Variants in SHB observed in about 807,000 individuals in gnomAD.
The protein encoded by SHB is SH2 domain containing adaptor protein B.
In SHB, 20 loss-of-function variants were observed where a neutral mutation model predicts 52.3. That is an observed-to-expected ratio of 0.38 (90% CI 0.27 to 0.56). The LOEUF is 0.56. Among genes scored for constraint, SHB ranks in the 20% least tolerant of loss-of-function variants. The pLI, the probability that SHB is intolerant of heterozygous loss-of-function variation, is 0.71. For missense variants in SHB, 825 were observed against 723.3 expected (o/e 1.14, Z -1.61); for synonymous variants, 397 against 316.5 (o/e 1.25, Z -2.70).
intron 4 of SHB, among the ~76,000 whole-genome samples, chr9:37,952,660 T>C (rs1458034626): frequency 6.6e-6 from 1 of 152,092 alleles, no homozygotes; most frequent in East Asian, 1.9e-4. Context: ...TGGATTCTGG[T>C]GGTACTTAGG....
chr9:38,023,744 G>A (rs979129119), intron 1 of SHB, among the ~76,000 whole-genome samples: 15 of 152,206 alleles, frequency 9.9e-5, no homozygotes, highest in African/African-American at 2.9e-4. Context: ...CATAACTCTC[G>A]AGGCACTTCC....
intron 1 of SHB, among the ~76,000 whole-genome samples, chr9:38,024,658 C>A (rs534748476): frequency 1.6e-4 from 25 of 152,290 alleles, no homozygotes; most frequent in Admixed American, 1.6e-3. Context: ...TACCCCAGAA[C>A]CTCAAGTGGT....
chr9:38,008,586 G>T (rs750055192), intron 2 of SHB, among the ~76,000 whole-genome samples: 4 of 152,254 alleles, frequency 2.6e-5, no homozygotes, highest in Non-Finnish European at 5.9e-5. Context: ...CTCCAGGATG[G>T]AAGTCAGGAG....
At chr9:37,979,513 G>C (rs551560781) in intron 2 of SHB, among the ~76,000 whole-genome samples, 6 of 151,976 alleles carry the variant, frequency 3.9e-5, no homozygotes, top group Non-Finnish European at 8.8e-5. Flanking sequence ...CTGGGGAAGA[G>C]AGCAGGCAGT....
At chr9:38,013,826 G>A (rs1306988044) in intron 2 of SHB, among the ~76,000 whole-genome samples, 1 of 152,092 alleles carries the variant, frequency 6.6e-6, no homozygotes, top group African/African-American at 2.4e-5. Flanking sequence ...GGCTCCATGG[G>A]ACCTCAGCCC....
At chr9:38,054,304 C>T (rs1821785382) in intron 1 of SHB, among the ~76,000 whole-genome samples, 1 of 152,236 alleles carries the variant, frequency 6.6e-6, no homozygotes. Flanking sequence ...ATGCCCAACC[C>T]TGACATCACA....
intron 2 of SHB, among the ~76,000 whole-genome samples, chr9:38,002,128 C>T (rs972197436): frequency 6.6e-6 from 1 of 152,010 alleles, no homozygotes; most frequent in African/African-American, 2.4e-5. Context: ...GTTTGTCTAT[C>T]TTAAAAAAAG....
intron 1 of SHB, among the ~76,000 whole-genome samples, chr9:38,040,981 CTTAGAG>C (rs1821568102): frequency 6.6e-6 from 1 of 151,924 alleles, no homozygotes. Context: ...CCCAGGGACG[CTTAGAG>C]TTAACTTCCA....
intron 1 of SHB, among the ~76,000 whole-genome samples, chr9:38,046,470 G>GCC (rs150370459): frequency 4.6e-5 from 7 of 152,242 alleles, no homozygotes; most frequent in Non-Finnish European, 1.0e-4. Flanking sequence ...GATGCTCGAA[G>GCC]CCCCCCCGGG....
intron 1 of SHB, among the ~76,000 whole-genome samples, chr9:38,025,816 A>G (rs1010190114): frequency 1.3e-5 from 2 of 152,168 alleles, no homozygotes; most frequent in African/African-American, 4.8e-5. Context: ...AGAAATCCAG[A>G]CTATCCCCCT....
chr9:38,009,348 G>A (rs942411904), intron 2 of SHB, among the ~76,000 whole-genome samples: 2 of 152,238 alleles, frequency 1.3e-5, no homozygotes, highest in Admixed American at 6.5e-5. Context: ...GGCCTGACAA[G>A]GGCAGCTGGA....
intron 2 of SHB, among the ~76,000 whole-genome samples, chr9:37,985,508 C>T (rs1820793989): frequency 6.6e-6 from 1 of 152,288 alleles, no homozygotes; most frequent in Non-Finnish European, 1.5e-5. Flanking sequence ...TAAGCCGCTG[C>T]AGGCCTGCGT....
rs1051887351 is a variant in SHB at position 37,930,885 on chromosome 9, C to T, written c.1347-10881G>A. Among the ~76,000 whole-genome samples, 7 of 152,236 alleles carry T rather than the reference C, an allele frequency of 4.6e-5. No individual in the cohort carries two copies. In the East Asian group the frequency reaches 1.4e-3, roughly 29 times the overall value. On this transcript the variant is annotated intron_variant, in intron 5 of 5. Coordinates refer to ENST00000377707, the MANE Select transcript of SHB (RefSeq NM_003028.3). ...AATTATATTACAAAGCTATAGTAAT[C>T]AAAACAGTATGATACTGGCATACAA...
chr9:38,067,907 A>T, intron 1 of SHB, 22 bp downstream of exon 1: 1 of 1,451,246 alleles, frequency 6.9e-7, no homozygotes, highest in Non-Finnish European at 9.0e-7. Context: ...GAACCTCGGG[A>T]AGAGGCCAAG....
chr9:37,998,491 C>T (rs961936997), intron 2 of SHB, among the ~76,000 whole-genome samples: 1 of 152,222 alleles, frequency 6.6e-6, no homozygotes, highest in Non-Finnish European at 1.5e-5. Context: ...CTGGCTCTGT[C>T]ACCTAGGCTG....
intron 5 of SHB, among the ~76,000 whole-genome samples, chr9:37,935,467 G>A (rs937723478): frequency 5.9e-5 from 9 of 152,158 alleles, no homozygotes; most frequent in Admixed American, 3.3e-4. Flanking sequence ...AGGGATGGAG[G>A]GCTGGGATGT....
chr9:38,001,618 C>A (rs1234564321), intron 2 of SHB, among the ~76,000 whole-genome samples: 2 of 152,234 alleles, frequency 1.3e-5, no homozygotes, highest in Non-Finnish European at 2.9e-5. Flanking sequence ...CAAGTTAGGT[C>A]TTCTGCGGTC....
intron 1 of SHB, among the ~76,000 whole-genome samples, chr9:38,048,240 A>G (rs1021915713): frequency 2.0e-5 from 3 of 152,232 alleles, no homozygotes; most frequent in Non-Finnish European, 4.4e-5. Context: ...ACCAGTGTAT[A>G]CATTTTGGTC....
chr9:38,062,065 G>A (rs1821900157), intron 1 of SHB, among the ~76,000 whole-genome samples: 1 of 152,188 alleles, frequency 6.6e-6, no homozygotes, highest in African/African-American at 2.4e-5. Flanking sequence ...TGAAAGCGGA[G>A]AAATTACAGC....
Sources: gnomAD v4.1 joint callset for allele counts (sites outside exome capture counted in the v4.1 genomes callset) on GRCh38, gnomAD v4.1.1 for gene constraint, MANE v1.5 for transcripts, NCBI Gene and HGNC (gene_info 2026-07-23, HGNC 2026-07-21) for gene names.